The following PCDHA4 variants were observed in gnomAD, a reference collection of about 807,000 sequenced individuals.
The protein encoded by PCDHA4 is protocadherin alpha-4.
PCDHA4 carries 49 observed loss-of-function variants against 61.4 expected under a neutral mutation model. The ratio of observed to expected loss-of-function variants is 0.80; its 90% CI spans 0.63 to 1.01. The LOEUF (loss-of-function observed/expected upper bound fraction) is 1.01, where lower values mean the gene tolerates loss of function less well. PCDHA4 is among the 50% of genes least tolerant of loss of function. The probability of loss-of-function intolerance (pLI) is 0.00; values close to 1 mark genes in which losing one functional copy is unlikely to be tolerated. For synonymous variants in PCDHA4, 590 were observed against 550.3 expected (o/e 1.07, Z -1.01); for missense variants, 1,254 against 1,235.8 (o/e 1.01, Z -0.22).
chr5:141,000,112 C>T (rs1404445521), intron 3 of PCDHA4, among the ~76,000 whole-genome samples: 1 of 152,128 alleles, frequency 6.6e-6, no homozygotes. Flanking sequence ...CGTCTCTTCC[C>T]TCATCCCCAA....
intron 3 of PCDHA4, among the ~76,000 whole-genome samples, chr5:140,997,668 T>TTGTGTGTGTGTGTG (rs35184029): frequency 1.7e-4 from 25 of 148,344 alleles, no homozygotes; most frequent in African/African-American, 6.2e-4. Flanking sequence ...ATTATACAGC[T>TTGTGTGTGTGTGTG]TGTGTGTGTG....
In PCDHA4 at chr5:140,808,541, G is replaced by C; in HGVS notation, c.1354G>C (p.Ala452Pro). 4 of 1,614,166 alleles carry C rather than the reference G, an allele frequency of 2.5e-6. No individual in the cohort carries two copies. The highest frequency in any genetic ancestry group is 2.5e-6 in the Non-Finnish European group (3 of 1,180,042). Reference protein sequence around the residue: ...SVEVADVNDNAPAFAQPEYTV... With the variant: ...SVEVADVNDNPPAFAQPEYTV... ...GGAGGTGGCTGATGTGAACGACAAC[G>C]CTCCGGCGTTCGCGCAGCCCGAGTA... Residue 452 changes from alanine (A) to proline (P), a missense_variant, in exon 1 of 4, where the codon GCT becomes CCT. Physicochemically the swap from Ala to Pro is conservative, Grantham distance 27. Transcript: ENST00000530339.
At chr5:140,994,157 G>A (rs958405989) in intron 3 of PCDHA4, among the ~76,000 whole-genome samples, 1 of 152,198 alleles carries the variant, frequency 6.6e-6, no homozygotes, top group Non-Finnish European at 1.5e-5. Context: ...TAGGGTCAAC[G>A]AAGGGGAAGG....
At chr5:140,880,628 A>T (rs566696364) in intron 1 of PCDHA4, among the ~76,000 whole-genome samples, 46 of 152,352 alleles carry the variant, frequency 3.0e-4, no homozygotes, top group Non-Finnish European at 4.4e-5. Flanking sequence ...GGAGTTAATT[A>T]TCAATTCACT....
At position 140,809,241 on chromosome 5, in the gene PCDHA4, G is replaced by A. The variant is rs1241553010; in HGVS notation, c.2054G>A (p.Gly685Asp). ...AAGGCCTCCTCACGGGCGTTGGTGG[G>A]CGCTGTGGGTCCCGATGCTGCGCTG... ...APKASSRALVGAVGPDAALVD... is the reference protein window; with the variant it reads ...APKASSRALVDAVGPDAALVD... The change falls in exon 1 of 4, where the codon GGC becomes GAC. Residue 685 changes from glycine to aspartate, a missense_variant. Physicochemically the swap from Gly to Asp is moderately conservative, Grantham distance 94 (BLOSUM62 -1). Transcript: ENST00000530339. 3 of 1,613,960 alleles carry A rather than the reference G, an allele frequency of 1.9e-6. No individual in the cohort carries two copies. The Admixed American group carries it at 5.0e-5, about 27-fold the overall frequency.
chr5:140,938,698 T>C (rs1430283682), intron 1 of PCDHA4, among the ~76,000 whole-genome samples: 1 of 152,194 alleles, frequency 6.6e-6, no homozygotes, highest in East Asian at 1.9e-4. Context: ...TTTTTAAATA[T>C]ATGTTTATGA....
At chr5:140,919,306 A>T (rs1407810868) in intron 1 of PCDHA4, among the ~76,000 whole-genome samples, 1 of 152,150 alleles carries the variant, frequency 6.6e-6, no homozygotes, top group Non-Finnish European at 1.5e-5. Context: ...TGTACAATAT[A>T]TGTTTTCCCA....
chr5:140,851,914 A>C (rs1213624827), intron 1 of PCDHA4: 2 of 969,578 alleles, frequency 2.1e-6, no homozygotes, highest in East Asian at 2.3e-4. Context: ...ATGTCACTAC[A>C]TGTTATGTTT....
intron 1 of PCDHA4, chr5:140,841,417 C>T (rs1242106171): frequency 1.2e-6 from 2 of 1,612,932 alleles, no homozygotes; most frequent in African/African-American, 1.3e-5. Flanking sequence ...GCCAGCTCCA[C>T]TACTCCGTCC....
At chr5:140,834,451 C>T (rs1554134220) in intron 1 of PCDHA4, 2 of 1,594,820 alleles carry the variant, frequency 1.3e-6, no homozygotes, top group Admixed American at 3.4e-5. Flanking sequence ...ATTCTAGCAG[C>T]TTGGGAGGCA....
intron 1 of PCDHA4, chr5:140,877,279 T>G (rs782432213): frequency 1.2e-6 from 2 of 1,613,820 alleles, no homozygotes; most frequent in Non-Finnish European, 1.7e-6. Flanking sequence ...TGACTCCGGC[T>G]ATAACGCTTG....
At chr5:140,843,733 T>C (rs2150365726) in intron 1 of PCDHA4, 1 of 1,549,552 alleles carries the variant, frequency 6.5e-7, no homozygotes. Flanking sequence ...CATTTAAATT[T>C]AGAACTCATA....
At chr5:140,954,520 A>G (rs1554221455) in intron 1 of PCDHA4, among the ~76,000 whole-genome samples, 1 of 152,192 alleles carries the variant, frequency 6.6e-6, no homozygotes, top group Admixed American at 6.6e-5. Context: ...CCTAATGATC[A>G]GTGATGTTGA....
chr5:140,951,544 G>T (rs543008494), intron 1 of PCDHA4, among the ~76,000 whole-genome samples: 1 of 151,878 alleles, frequency 6.6e-6, no homozygotes, highest in Non-Finnish European at 1.5e-5. Flanking sequence ...AGCAAGGGAC[G>T]GGGGGAAGTG....
intron 1 of PCDHA4, chr5:140,850,230 G>T (rs2150474720): frequency 6.3e-7 from 1 of 1,594,052 alleles, no homozygotes; most frequent in South Asian, 1.1e-5. Flanking sequence ...CGCAGTGAGC[G>T]AGATGGTGCT....
chr5:140,915,626 GTC>G (rs57920489), intron 1 of PCDHA4, among the ~76,000 whole-genome samples: 12,146 of 145,794 alleles, frequency 0.083, 491 homozygotes, highest in Middle Eastern at 0.12. Context: ...GTCTCTTTCT[GTC>G]TCTCTCTCTC....
chr5:140,879,687 CA>C (rs1343612878), intron 1 of PCDHA4, among the ~76,000 whole-genome samples: 1 of 152,156 alleles, frequency 6.6e-6, no homozygotes, highest in Non-Finnish European at 1.5e-5. Context: ...TGTAAAACAG[CA>C]AAAGTTTATT....
intron 1 of PCDHA4, among the ~76,000 whole-genome samples, chr5:140,898,431 A>G (rs1482364069): frequency 6.6e-6 from 1 of 152,182 alleles, no homozygotes; most frequent in East Asian, 1.9e-4. Context: ...TCCCAGCACC[A>G]TTTATTAAAT....
chr5:140,871,271 C>T (rs1369255733), intron 1 of PCDHA4: 1 of 1,613,830 alleles, frequency 6.2e-7, no homozygotes, highest in African/African-American at 1.3e-5. Context: ...CTGTGGTGGT[C>T]GGCAACGCCC....
Sources: allele counts gnomAD v4.1 joint callset (sites outside exome capture counted in the v4.1 genomes callset), GRCh38; gene constraint gnomAD v4.1.1; transcripts MANE v1.5; gene names NCBI Gene and HGNC (gene_info 2026-07-23, HGNC 2026-07-21).